MSI2: variants seen among roughly 807,000 people sequenced by gnomAD.
MSI2 encodes the protein musashi RNA binding protein 2.
Under a neutral mutation model 45.6 loss-of-function variants are expected in MSI2, and 17 were observed. The observed-to-expected ratio is 0.37, with a 90% CI of 0.26 to 0.56. The LOEUF (loss-of-function observed/expected upper bound fraction) is 0.56. Ranked by LOEUF, MSI2 falls within the 20% of genes least tolerant of loss-of-function variation. The probability of loss-of-function intolerance (pLI) is 0.77; values close to 1 mark genes in which losing one functional copy is unlikely to be tolerated. For missense variants in MSI2, 293 were observed against 444.2 expected, an observed-to-expected ratio of 0.66 and a Z score of 3.06; for synonymous variants, 156 against 158.2, an observed-to-expected ratio of 0.99 and a Z score of 0.11.
At chr17:57,568,207 T>A (rs2087784368) in intron 7 of MSI2, among the ~76,000 whole-genome samples, 1 of 152,160 alleles carries the variant, frequency 6.6e-6, no homozygotes, top group Non-Finnish European at 1.5e-5. Flanking sequence ...TGCCTCTTGG[T>A]CCACACAAGG....
intron 5 of MSI2, among the ~76,000 whole-genome samples, chr17:57,366,325 A>C (rs1328524221): frequency 6.6e-6 from 1 of 152,190 alleles, no homozygotes; most frequent in Non-Finnish European, 1.5e-5. Context: ...GCTGGACAGC[A>C]TCTGTCTCCC....
chr17:57,662,054 A>T (rs1170432843), intron 11 of MSI2, among the ~76,000 whole-genome samples: 2 of 152,234 alleles, frequency 1.3e-5, no homozygotes. Context: ...CCTAGTCCTC[A>T]TTCTTCATAT....
At chr17:57,661,665 C>G (rs191283252) in intron 11 of MSI2, among the ~76,000 whole-genome samples, 224 of 152,282 alleles carry the variant, frequency 1.5e-3, no homozygotes, top group Non-Finnish European at 2.2e-3. Flanking sequence ...CATGGCAAAT[C>G]TCTGCCTTAG....
intron 5 of MSI2, among the ~76,000 whole-genome samples, chr17:57,381,926 T>A (rs1446657050): frequency 6.6e-6 from 1 of 151,774 alleles, no homozygotes; most frequent in Non-Finnish European, 1.5e-5. Flanking sequence ...GACTATATAC[T>A]TGAGCACCAC....
intron 7 of MSI2, among the ~76,000 whole-genome samples, chr17:57,548,479 A>T (rs1261240841): frequency 1.3e-5 from 2 of 152,150 alleles, no homozygotes; most frequent in African/African-American, 4.8e-5. Context: ...GCTTGAAGTC[A>T]TTTCCGATGT....
At chr17:57,598,336 A>T (rs1905472518) in intron 8 of MSI2, among the ~76,000 whole-genome samples, 1 of 152,238 alleles carries the variant, frequency 6.6e-6, no homozygotes, top group South Asian at 2.1e-4. Context: ...CTTTAAATTC[A>T]ATAATAGAGC....
intron 8 of MSI2, among the ~76,000 whole-genome samples, chr17:57,612,929 C>T (rs1230821175): frequency 2.0e-5 from 3 of 152,188 alleles, no homozygotes; most frequent in Non-Finnish European, 4.4e-5. Context: ...ACACGCCCAT[C>T]TTCCTAGGCT....
intron 5 of MSI2, among the ~76,000 whole-genome samples, chr17:57,275,280 G>C (rs1908738738): frequency 6.6e-6 from 1 of 152,200 alleles, no homozygotes; most frequent in African/African-American, 2.4e-5. Context: ...TTTGACACTT[G>C]GTAGGAACTG....
chr17:57,402,918 C>T (rs1157758065), intron 6 of MSI2, among the ~76,000 whole-genome samples: 1 of 152,206 alleles, frequency 6.6e-6, no homozygotes, highest in African/African-American at 2.4e-5. Context: ...GCACTTCTCT[C>T]TTCCAGACTG....
At chr17:57,553,917 A>G (rs1156383336) in intron 7 of MSI2, among the ~76,000 whole-genome samples, 1 of 152,184 alleles carries the variant, frequency 6.6e-6, no homozygotes, top group Non-Finnish European at 1.5e-5. Context: ...CTCCAGAGAG[A>G]GAAGTTTTTT....
the MSI2 span, among the ~76,000 whole-genome samples, chr17:57,693,520 G>T: frequency 1.3e-5 from 2 of 152,142 alleles, no homozygotes; most frequent in Non-Finnish European, 2.9e-5. Flanking sequence ...AAAAGTATTT[G>T]TCTCTGTCAC....
chr17:57,283,448 A>T lies in MSI2; in HGVS notation c.312+21256A>T, dbSNP rs372153941. Among the ~76,000 whole-genome samples the T allele has an allele frequency of 9.0e-4, 137 of 152,252 alleles. No individual in the cohort carries two copies. In the South Asian group the frequency reaches 0.028, roughly 31 times the overall value. On this transcript the variant is annotated intron_variant, in intron 5 of 13. Transcript: ENST00000284073. ...GGCTTGATTTGTCTGTTATAATCGG[A>T]AACAGATTTTGGGCTCCTGATCCAT...
At chr17:57,525,563 C>G (rs190152332) in intron 6 of MSI2, among the ~76,000 whole-genome samples, 1 of 152,290 alleles carries the variant, frequency 6.6e-6, no homozygotes, top group Admixed American at 6.5e-5. Flanking sequence ...GCTGGGATTA[C>G]TAGACATGAG....
At chr17:57,341,244 G>A (rs180870318) in intron 5 of MSI2, among the ~76,000 whole-genome samples, 94 of 152,296 alleles carry the variant, frequency 6.2e-4, no homozygotes, top group Admixed American at 1.1e-3. Context: ...GGAACGTGTC[G>A]GAAATAATCT....
chr17:57,271,436 G>T (rs901238723), intron 5 of MSI2, among the ~76,000 whole-genome samples: 1 of 152,120 alleles, frequency 6.6e-6, no homozygotes, highest in Non-Finnish European at 1.5e-5. Flanking sequence ...ATCCATTCAA[G>T]AGCTCTAAAT....
chr17:57,354,794 G>A (rs1348652351), intron 5 of MSI2, among the ~76,000 whole-genome samples: 1 of 152,152 alleles, frequency 6.6e-6, no homozygotes, highest in Non-Finnish European at 1.5e-5. Flanking sequence ...GGATGTTGTT[G>A]GAAGGATTCG....
chr17:57,421,293 G>C (rs1462931620), intron 6 of MSI2, among the ~76,000 whole-genome samples: 1 of 152,172 alleles, frequency 6.6e-6, no homozygotes. Flanking sequence ...TGTTGACACT[G>C]AGAGGTCATG....
intron 3 of MSI2, 119 bp downstream of exon 3, chr17:57,257,666 C>T: frequency 1.4e-6 from 1 of 691,072 alleles, no homozygotes; most frequent in South Asian, 1.8e-5. Flanking sequence ...CGTGGCTGAT[C>T]TCGAACGGCG....
intron 10 of MSI2, among the ~76,000 whole-genome samples, chr17:57,648,944 C>G: frequency 6.6e-6 from 1 of 152,212 alleles, no homozygotes. Flanking sequence ...TCCCAGCCCT[C>G]CCAGGTCCAG....
Sources: gnomAD v4.1 joint callset for allele counts (sites outside exome capture counted in the v4.1 genomes callset) on GRCh38, gnomAD v4.1.1 for gene constraint, MANE v1.5 for transcripts, NCBI Gene and HGNC (gene_info 2026-07-23, HGNC 2026-07-21) for gene names.